The following FHIT variants were observed in gnomAD, a reference collection of about 807,000 sequenced individuals.
FHIT encodes the protein bis(5'-adenosyl)-triphosphatase.
A neutral mutation model predicts 17.9 loss-of-function variants in FHIT; 19 were observed. That is an observed-to-expected ratio of 1.06 (90% CI 0.74 to 1.56). The LOEUF (loss-of-function observed/expected upper bound fraction) is 1.56, where lower values mean the gene tolerates loss of function less well. FHIT is among the 40% of genes most tolerant of loss of function. The pLI, the probability that FHIT is intolerant of heterozygous loss-of-function variation, is 0.00. For synonymous variants in FHIT, 81 were observed against 69.7 expected, an observed-to-expected ratio of 1.16 and a Z score of -0.81; for missense variants, 248 against 189.2, an observed-to-expected ratio of 1.31 and a Z score of -1.82.
intron 5 of FHIT, among the ~76,000 whole-genome samples, chr3:60,380,724 C>A (rs2687167): frequency 6.6e-6 from 1 of 152,064 alleles, no homozygotes; most frequent in Non-Finnish European, 1.5e-5. Flanking sequence ...AGCCAAATAT[C>A]GATTATTATC....
At chr3:60,167,753 G>A (rs1306808736) in intron 5 of FHIT, among the ~76,000 whole-genome samples, 1 of 152,150 alleles carries the variant, frequency 6.6e-6, no homozygotes, top group Non-Finnish European at 1.5e-5. Flanking sequence ...TAAAATTTGT[G>A]GCAGGGCGTA....
At chr3:60,713,276 C>G (rs868918406) in intron 4 of FHIT, among the ~76,000 whole-genome samples, 6,274 of 150,052 alleles carry the variant, frequency 0.042, 306 homozygotes, top group African/African-American at 0.14. Context: ...ACATTCAAAG[C>G]AGTGTGTAGA....
intron 8 of FHIT, among the ~76,000 whole-genome samples, chr3:59,919,422 A>C (rs1575696241): frequency 6.6e-6 from 1 of 152,260 alleles, no homozygotes; most frequent in Middle Eastern, 3.4e-3. Flanking sequence ...ATATCTTTCC[A>C]CCTGCCAGCC....
chr3:60,635,630 C>T (rs1193919958), intron 4 of FHIT, among the ~76,000 whole-genome samples: 4 of 152,196 alleles, frequency 2.6e-5, no homozygotes, highest in Non-Finnish European at 5.9e-5. Context: ...ATATTTGCTG[C>T]CTGGCTGACT....
At chr3:60,033,140 A>G (rs1263481015) in intron 5 of FHIT, among the ~76,000 whole-genome samples, 1 of 152,226 alleles carries the variant, frequency 6.6e-6, no homozygotes, top group Non-Finnish European at 1.5e-5. Flanking sequence ...AATGATAAAA[A>G]GACATTTTAA....
At chr3:61,147,670 A>T (rs1324213834) in intron 2 of FHIT, among the ~76,000 whole-genome samples, 1 of 149,368 alleles carries the variant, frequency 6.7e-6, no homozygotes, top group East Asian at 2.0e-4. Context: ...ATATAAAAAA[A>T]TAATAGTTAC....
intron 5 of FHIT, among the ~76,000 whole-genome samples, chr3:60,299,343 A>T (rs922270364): frequency 2.0e-5 from 3 of 152,106 alleles, no homozygotes; most frequent in African/African-American, 7.2e-5. Context: ...TCTATGAAGG[A>T]TGTTGGTCTG....
At chr3:60,181,492 C>CA (rs989586696) in intron 5 of FHIT, among the ~76,000 whole-genome samples, 4 of 152,082 alleles carry the variant, frequency 2.6e-5, no homozygotes, top group Admixed American at 6.5e-5. Flanking sequence ...CATCTAGGTT[C>CA]AAAAAGGTAA....
chr3:60,957,852 T>C (rs1039536371), intron 3 of FHIT, among the ~76,000 whole-genome samples: 3 of 152,236 alleles, frequency 2.0e-5, no homozygotes, highest in Non-Finnish European at 2.9e-5. Context: ...CTCTTCCACA[T>C]AGGTGAGCTT....
At chr3:60,204,115 A>G (rs1703044775) in intron 5 of FHIT, among the ~76,000 whole-genome samples, 1 of 152,220 alleles carries the variant, frequency 6.6e-6, no homozygotes, top group African/African-American at 2.4e-5. Context: ...AAAAATGCTT[A>G]GGGAGATGGA....
rs374027522 is a variant in FHIT at position 61,068,336 on chromosome 3, T to C, written c.-163-26237A>G. ...TCCTGTTTCCTTATTGCCTGTCAGC[T>C]GAAGATCATTCTGAATTTCTAAAGG... On this transcript the variant is annotated intron_variant, in intron 2 of 9. Transcript: ENST00000492590. 2.6e-4 allele frequency among the ~76,000 whole-genome samples: 39 copies of C among 152,318 alleles called. 2 individuals are homozygous for C. The South Asian group carries it at 7.9e-3, about 31-fold the overall frequency.
chr3:60,698,321 G>A, intron 4 of FHIT, among the ~76,000 whole-genome samples: 1 of 151,974 alleles, frequency 6.6e-6, no homozygotes, highest in Non-Finnish European at 1.5e-5. Flanking sequence ...TTGGCTTCTA[G>A]AACATAAAAG....
Position 59,780,340 on chromosome 3 carries a change from A to G in FHIT, c.349-28019T>C, listed in dbSNP as rs1015546863. On this transcript the variant is annotated intron_variant, in intron 8 of 9. Transcript: ENST00000492590. ...TGCTTTGTTCTTGTTACAGATGAAG[A>G]AGTAGAATGTCAGTGGATTACAGTG... is the stretch of plus-strand genomic sequence containing the variant. Among the ~76,000 whole-genome samples the G allele has an allele frequency of 2.0e-5, 3 of 152,240 alleles. 1 individual carries two copies. The highest frequency in any genetic ancestry group is 4.4e-5 in the Non-Finnish European group (3 of 68,038).
At chr3:60,798,989 A>G (rs1400175243) in intron 4 of FHIT, among the ~76,000 whole-genome samples, 1 of 151,882 alleles carries the variant, frequency 6.6e-6, no homozygotes, top group East Asian at 1.9e-4. Context: ...TTACAGGTGT[A>G]CTGTACCCAC....
intron 3 of FHIT, among the ~76,000 whole-genome samples, chr3:60,979,828 C>T (rs1196591228): frequency 6.6e-6 from 1 of 152,176 alleles, no homozygotes; most frequent in Non-Finnish European, 1.5e-5. Flanking sequence ...GGCCTCCTTC[C>T]CATTAGCTCA....
At chr3:59,951,478 C>A (rs570259561) in intron 7 of FHIT, among the ~76,000 whole-genome samples, 2 of 152,278 alleles carry the variant, frequency 1.3e-5, no homozygotes, top group East Asian at 3.9e-4. Context: ...TGCTAATTGT[C>A]TTTTACCCAG....
intron 5 of FHIT, among the ~76,000 whole-genome samples, chr3:60,063,837 T>C (rs980258010): frequency 1.3e-5 from 2 of 152,200 alleles, no homozygotes; most frequent in African/African-American, 2.4e-5. Flanking sequence ...AGAAAACCCA[T>C]ATACCATCCA....
intron 4 of FHIT, among the ~76,000 whole-genome samples, chr3:60,552,448 G>A (rs1179187795): frequency 6.6e-6 from 1 of 152,142 alleles, no homozygotes; most frequent in Non-Finnish European, 1.5e-5. Context: ...CACCACCAAT[G>A]AAAGAGGGTT....
intron 5 of FHIT, among the ~76,000 whole-genome samples, chr3:60,335,192 T>A (rs187842758): frequency 5.7e-3 from 874 of 152,326 alleles, no homozygotes; most frequent in Non-Finnish European, 9.9e-3. Flanking sequence ...GTCAATTTTA[T>A]GGCTCTTGTG....
Sources: gnomAD v4.1 joint callset for allele counts (sites outside exome capture counted in the v4.1 genomes callset) on GRCh38, gnomAD v4.1.1 for gene constraint, MANE v1.5 for transcripts, NCBI Gene and HGNC (gene_info 2026-07-23, HGNC 2026-07-21) for gene names.